The following PDE4D variants were observed in gnomAD, a reference collection of about 807,000 sequenced individuals.
The protein encoded by PDE4D is phosphodiesterase 4D, also known as 3',5'-cyclic-AMP phosphodiesterase 4D.
Under a neutral mutation model 87.4 loss-of-function variants are expected in PDE4D, and 24 were observed. The observed-to-expected ratio is 0.27, with a 90% CI of 0.20 to 0.39. The LOEUF (loss-of-function observed/expected upper bound fraction) is 0.39. Ranked by LOEUF, PDE4D falls within the 10% of genes least tolerant of loss-of-function variation. PDE4D has a pLI of 1.00. For missense variants in PDE4D, 714 were observed against 1,041.0 expected, an observed-to-expected ratio of 0.69 and a Z score of 4.32; for synonymous variants, 384 against 383.2, an observed-to-expected ratio of 1.00 and a Z score of -0.02.
At chr5:60,228,955 T>C (rs1745486810) in intron 1 of PDE4D, among the ~76,000 whole-genome samples, 1 of 152,126 alleles carries the variant, frequency 6.6e-6, no homozygotes, top group Admixed American at 6.6e-5. Flanking sequence ...AGAATGGCTA[T>C]GGTTTTAAGC....
intron 3 of PDE4D, chr5:59,987,609 A>T (rs189282290): frequency 6.6e-6 from 1 of 152,200 alleles, no homozygotes; most frequent in Non-Finnish European, 1.5e-5. Context: ...TTGGCAGAGA[A>T]TGTGGGACCA....
chr5:59,624,842 T>C (rs298048), intron 1 of PDE4D, among the ~76,000 whole-genome samples: 129,094 of 152,150 alleles, frequency 0.85, 54,957 homozygotes, highest in South Asian at 0.92. Flanking sequence ...GACCAAGCTT[T>C]TTGGCTGTGA....
At chr5:60,083,175 G>C (rs1774157594) in intron 2 of PDE4D, among the ~76,000 whole-genome samples, 1 of 152,146 alleles carries the variant, frequency 6.6e-6, no homozygotes, top group Admixed American at 6.5e-5. Flanking sequence ...TATACTTGAT[G>C]CCTAGCTTGC....
intron 5 of PDE4D, among the ~76,000 whole-genome samples, chr5:59,169,318 TTA>T (rs957708608): frequency 9.6e-5 from 3 of 31,148 alleles, no homozygotes; most frequent in African/African-American, 6.2e-4. Context: ...TGTGGTTCTT[TTA>T]TTTTTTTTTT....
Position 58,991,293 on chromosome 5 carries a change from CAAACAAAACA to C in PDE4D, c.1189-401_1189-392del, listed in dbSNP as rs1554038888. On this transcript the variant is annotated intron_variant, in intron 8 of 14. Transcript: ENST00000340635. The stretch of plus-strand genomic sequence containing the variant: ...GACAGGGCGAGACTATGTCTCAAAA[CAAACAAAACA>C]AAACAAAACAAAACAGACTTCAGTG... 3.1e-4 allele frequency among the ~76,000 whole-genome samples: 46 copies of C among 147,246 alleles called. 2 individuals carry two copies. The highest frequency in any genetic ancestry group is 1.5e-3 in the South Asian group (7 of 4,684).
chr5:59,519,609 C>T (rs1337874261), intron 1 of PDE4D, among the ~76,000 whole-genome samples: 1 of 151,996 alleles, frequency 6.6e-6, no homozygotes, highest in African/African-American at 2.4e-5. Flanking sequence ...TTGAAAGGGG[C>T]GGTAGACATA....
chr5:59,085,877 T>A (rs1280910491), intron 5 of PDE4D, among the ~76,000 whole-genome samples: 2 of 152,104 alleles, frequency 1.3e-5, no homozygotes, highest in Non-Finnish European at 2.9e-5. Context: ...GGGGACTGAG[T>A]GATACTTTTA....
rs183586137 is a variant in PDE4D at position 59,259,764 on chromosome 5, C to T, written c.456-43796G>A. Among the ~76,000 whole-genome samples the T allele has an allele frequency of 2.2e-3, 335 of 151,922 alleles. 1 individual carries two copies. Among genetic ancestry groups the T allele is most frequent in the African/African-American group, 7.4e-3 (309 of 41,504 alleles). On this transcript the variant is annotated intron_variant, in intron 1 of 14. Coordinates refer to ENST00000340635, the MANE Select transcript of PDE4D (RefSeq NM_001104631.2). ...CATCAAAAACAAGGGTTAAAAGCAACGGTTACACAGAGTCCCTCCCCAAGC... is the reference window on the plus strand; with the variant it reads ...CATCAAAAACAAGGGTTAAAAGCAATGGTTACACAGAGTCCCTCCCCAAGC...
chr5:59,557,016 C>G (rs1583107097), intron 1 of PDE4D, among the ~76,000 whole-genome samples: 1 of 152,144 alleles, frequency 6.6e-6, no homozygotes, highest in Admixed American at 6.5e-5. Flanking sequence ...GAAATGCCAT[C>G]TCTAAAAATC....
At chr5:60,416,916 T>G (rs969916859) in intron 1 of PDE4D, among the ~76,000 whole-genome samples, 1 of 152,176 alleles carries the variant, frequency 6.6e-6, no homozygotes, top group Non-Finnish European at 1.5e-5. Flanking sequence ...TATAAAGCCA[T>G]TGAGATGTAG....
chr5:60,209,668 G>A (rs932044222), intron 1 of PDE4D, among the ~76,000 whole-genome samples: 4 of 151,834 alleles, frequency 2.6e-5, no homozygotes, highest in African/African-American at 9.7e-5. Context: ...TTACACTTAC[G>A]CTGGCAGAGA....
chr5:59,142,308 G>T (rs1778008830), intron 5 of PDE4D, among the ~76,000 whole-genome samples: 3 of 152,024 alleles, frequency 2.0e-5, no homozygotes, highest in Admixed American at 2.0e-4. Context: ...TCCCTATAGA[G>T]TCTCCTAAAT....
chr5:59,165,819 T>C (rs1343109212), intron 5 of PDE4D, among the ~76,000 whole-genome samples: 2 of 152,212 alleles, frequency 1.3e-5, no homozygotes, highest in Non-Finnish European at 2.9e-5. Flanking sequence ...TGTTCTCTTT[T>C]AGCCAAGGCC....
intron 1 of PDE4D, among the ~76,000 whole-genome samples, chr5:59,727,244 T>C (rs549860168): frequency 6.6e-6 from 1 of 152,156 alleles, no homozygotes; most frequent in Non-Finnish European, 1.5e-5. Flanking sequence ...AACTTTTCTA[T>C]CAACAATGTT....
intron 2 of PDE4D, among the ~76,000 whole-genome samples, chr5:60,046,672 T>C (rs1769300627): frequency 6.6e-6 from 1 of 152,196 alleles, no homozygotes; most frequent in Non-Finnish European, 1.5e-5. Context: ...ATTACATTTA[T>C]TGATTTGCGT....
intron 1 of PDE4D, among the ~76,000 whole-genome samples, chr5:60,262,771 C>T (rs1749785097): frequency 6.6e-6 from 1 of 152,174 alleles, no homozygotes; most frequent in Non-Finnish European, 1.5e-5. Flanking sequence ...TCAGCACAAC[C>T]TCAGCGAGGG....
At chr5:59,528,062 T>A (rs1212390974) in intron 1 of PDE4D, among the ~76,000 whole-genome samples, 1 of 152,186 alleles carries the variant, frequency 6.6e-6, no homozygotes, top group Admixed American at 6.5e-5. Context: ...GTAAGCAAAA[T>A]TCTTTTAAGT....
intron 1 of PDE4D, among the ~76,000 whole-genome samples, chr5:59,789,024 A>G (rs1765485130): frequency 6.6e-6 from 1 of 152,244 alleles, no homozygotes; most frequent in African/African-American, 2.4e-5. Context: ...CACAGCAAAC[A>G]ATCACTTCAC....
At chr5:59,145,621 C>T (rs561864756) in intron 5 of PDE4D, among the ~76,000 whole-genome samples, 13 of 152,152 alleles carry the variant, frequency 8.5e-5, no homozygotes, top group South Asian at 2.1e-4. Flanking sequence ...AACACTATTC[C>T]GGAATTGCAA....
Sources: allele counts gnomAD v4.1 joint callset (sites outside exome capture counted in the v4.1 genomes callset), GRCh38; gene constraint gnomAD v4.1.1; transcripts MANE v1.5; gene names NCBI Gene and HGNC (gene_info 2026-07-23, HGNC 2026-07-21).